The following GRIK3 variants were observed in gnomAD, a reference collection of about 807,000 sequenced individuals.
GRIK3 encodes the protein glutamate ionotropic receptor kainate type subunit 3.
Under a neutral mutation model 102.5 loss-of-function variants are expected in GRIK3, and 29 were observed. The ratio of observed to expected loss-of-function variants is 0.28; its 90% CI spans 0.21 to 0.39. GRIK3 has a LOEUF of 0.39. GRIK3 is among the 10% of genes least tolerant of loss of function. GRIK3 has a pLI of 1.00. For missense variants in GRIK3, 908 were observed against 1,252.4 expected, an observed-to-expected ratio of 0.73 and a Z score of 4.15; for synonymous variants, 511 against 504.9, an observed-to-expected ratio of 1.01 and a Z score of -0.16.
chr1:36,965,407 C>T (rs1353203130), intron 1 of GRIK3, among the ~76,000 whole-genome samples: 2 of 152,168 alleles, frequency 1.3e-5, no homozygotes, highest in Non-Finnish European at 2.9e-5. Flanking sequence ...CCACACTCGC[C>T]AGCGAACAGT....
At chr1:36,956,138 G>A (rs1195166438) in intron 1 of GRIK3, among the ~76,000 whole-genome samples, 3 of 152,322 alleles carry the variant, frequency 2.0e-5, no homozygotes, top group Non-Finnish European at 2.9e-5. Flanking sequence ...TCTGCTCCCC[G>A]CCCTTTTCAA....
At chr1:37,021,083 A>C (rs1642706153) in intron 1 of GRIK3, among the ~76,000 whole-genome samples, 1 of 148,882 alleles carries the variant, frequency 6.7e-6, no homozygotes, top group African/African-American at 2.5e-5. Flanking sequence ...TAAAACTTCA[A>C]ATTTGCAAGT....
At chr1:37,001,096 C>A (rs1484948877) in intron 1 of GRIK3, among the ~76,000 whole-genome samples, 10 of 152,228 alleles carry the variant, frequency 6.6e-5, no homozygotes, top group Admixed American at 6.5e-4. Flanking sequence ...TATCAACCAG[C>A]AATTTTCATT....
intron 1 of GRIK3, among the ~76,000 whole-genome samples, chr1:36,947,856 A>C (rs1570815274): frequency 6.7e-6 from 1 of 148,760 alleles, no homozygotes; most frequent in Non-Finnish European, 1.5e-5. Context: ...ATGACACCCC[A>C]CCCCCTCCAC....
chr1:37,033,510 C>T (rs372256224), intron 1 of GRIK3, among the ~76,000 whole-genome samples: 242 of 152,262 alleles, frequency 1.6e-3, no homozygotes, highest in African/African-American at 5.6e-3. Context: ...CCTCGTCATG[C>T]GAATCTGTGC....
At chr1:36,924,960 T>C (rs1032722) in intron 1 of GRIK3, among the ~76,000 whole-genome samples, 126,874 of 152,108 alleles carry the variant, frequency 0.83, 53,544 homozygotes, top group Admixed American at 0.9. Flanking sequence ...GTGATATGTA[T>C]CAGGCATCTA....
At chr1:36,857,194 G>T (rs558101556) in intron 7 of GRIK3, among the ~76,000 whole-genome samples, 2 of 152,136 alleles carry the variant, frequency 1.3e-5, no homozygotes, top group Non-Finnish European at 2.9e-5. Flanking sequence ...CAAATTTCCC[G>T]ATTGAGCCAG....
chr1:36,932,483 G>C (rs1641607009), intron 1 of GRIK3, among the ~76,000 whole-genome samples: 1 of 152,140 alleles, frequency 6.6e-6, no homozygotes, highest in South Asian at 2.1e-4. Flanking sequence ...ATTGCTACCA[G>C]GGACACTGGA....
chr1:36,931,011 AC>A (rs2124313641), intron 1 of GRIK3, among the ~76,000 whole-genome samples: 1 of 152,254 alleles, frequency 6.6e-6, no homozygotes, highest in South Asian at 2.1e-4. Flanking sequence ...AGTCTCAGGG[AC>A]CATGTTCTTC....
At chr1:36,853,085 G>A (rs1455314740) in intron 8 of GRIK3, among the ~76,000 whole-genome samples, 1 of 152,200 alleles carries the variant, frequency 6.6e-6, no homozygotes, top group Non-Finnish European at 1.5e-5. Context: ...CAGAATCCAT[G>A]TGCTTCAACC....
In GRIK3 at chr1:36,922,769, A is replaced by C. The variant is rs1038991914; in HGVS notation, c.116-31673T>G. Reference sequence around the variant, plus strand: ...TTCCGGGAGGTGCGGCTGCTTGCTCAGGGCTCAGATCTGTCTGCTGCGACT... The same window carrying C: ...TTCCGGGAGGTGCGGCTGCTTGCTCCGGGCTCAGATCTGTCTGCTGCGACT... On this transcript the variant is annotated intron_variant, in intron 1 of 15. Coordinates refer to ENST00000373091, the MANE Select transcript of GRIK3 (RefSeq NM_000831.4). Among the ~76,000 whole-genome samples, 31 of 152,268 alleles carry C rather than the reference A, an allele frequency of 2.0e-4. 1 individual carries two copies. Among genetic ancestry groups the C allele is most frequent in the Admixed American group, 2.0e-3 (31 of 15,306 alleles).
intron 1 of GRIK3, among the ~76,000 whole-genome samples, chr1:36,963,606 TG>T (rs2124351091): frequency 6.6e-6 from 1 of 152,310 alleles, no homozygotes; most frequent in East Asian, 1.9e-4. Flanking sequence ...GTTGCACAGC[TG>T]GGAAGTGGTG....
intron 1 of GRIK3, among the ~76,000 whole-genome samples, chr1:37,015,932 T>C (rs1222421322): frequency 6.6e-6 from 1 of 152,240 alleles, no homozygotes; most frequent in East Asian, 1.9e-4. Context: ...GCCTGCACCA[T>C]GTCCACACAC....
Position 36,940,880 on chromosome 1 carries a change from C to A in GRIK3, c.116-49784G>T, listed in dbSNP as rs2124323375. The stretch of plus-strand genomic sequence containing the variant: ...TGTTTGCTGACTTGGAGAGGACACA[C>A]AACATTCTTCAGGGAAATATATCTC... On this transcript the variant is annotated intron_variant, in intron 1 of 15. Transcript: ENST00000373091. Among the ~76,000 whole-genome samples, 3 of 152,364 alleles carry A rather than the reference C, an allele frequency of 2.0e-5. 1 individual carries two copies. In the South Asian group the frequency reaches 6.2e-4, roughly 32 times the overall value.
Position 36,817,049 on chromosome 1 carries a change from G to T in GRIK3, c.2091+11C>A. On this transcript the variant is annotated intron_variant, in intron 13 of 15. Transcript: ENST00000373091. ...GCTCACGGTGCTGCAATAGGAGGGA[G>T]AGGGCCTCACCTTGAAGAAGGTCAT... 1 of 1,590,322 alleles carries T rather than the reference G, an allele frequency of 6.3e-7. No individual in the cohort carries two copies.
rs532414097 is a variant in GRIK3, at chr1:37,033,956, C to G, written c.115+38G>C. On this transcript the variant is annotated intron_variant, in intron 1 of 15. Coordinates refer to ENST00000373091, the MANE Select transcript of GRIK3 (RefSeq NM_000831.4). ...AGGCCCCCTCATTCCCGCCCCCTCCCGGGCGCACGGAGACCCCCGGCTCCA... is the reference window on the plus strand; with the variant it reads ...AGGCCCCCTCATTCCCGCCCCCTCCGGGGCGCACGGAGACCCCCGGCTCCA... 40 of 1,231,444 alleles carry G rather than the reference C, an allele frequency of 3.2e-5. No homozygotes were observed. In the Middle Eastern group the frequency reaches 9.4e-4, roughly 29 times the overall value. The allele number at this position is 1,231,444 out of a possible 1,614,324, so 76.3% of individuals were successfully genotyped here. A position where few individuals can be genotyped will look rare whatever the true frequency, so the allele number is the denominator to read the frequency against.
intron 13 of GRIK3, among the ~76,000 whole-genome samples, chr1:36,813,845 C>T (rs1642591498): frequency 1.3e-5 from 2 of 152,088 alleles, no homozygotes; most frequent in South Asian, 2.1e-4. Flanking sequence ...TGTAACAGTC[C>T]CATTGCTGCT....
Position 36,801,749 on chromosome 1 carries a change from T to C in GRIK3, c.*102A>G. 1 of 1,016,344 alleles carries C rather than the reference T, an allele frequency of 9.8e-7. No individual in the cohort carries two copies. The highest frequency in any genetic ancestry group is 1.9e-5 in the South Asian group (1 of 53,842). The allele number at this position is 1,016,344 out of a possible 1,614,324, so 63.0% of individuals were successfully genotyped here. ...CCTGGCCCAACAGGCAGGTGGCAGC[T>C]CTGGTCCCCAAGCCCAGTGCGGGGA... On this transcript the variant is annotated 3_prime_UTR_variant, in exon 16 of 16. Transcript: ENST00000373091.
intron 2 of GRIK3, among the ~76,000 whole-genome samples, chr1:36,881,652 A>G (rs1570777281): frequency 6.6e-6 from 1 of 152,172 alleles, no homozygotes; most frequent in East Asian, 1.9e-4. Flanking sequence ...TTATTGCAGA[A>G]GCTTCCTCAG....
Sources: allele counts gnomAD v4.1 joint callset (sites outside exome capture counted in the v4.1 genomes callset), GRCh38; gene constraint gnomAD v4.1.1; transcripts MANE v1.5; gene names NCBI Gene and HGNC (gene_info 2026-07-23, HGNC 2026-07-21).